The following CLPSL1 variants were observed in gnomAD, a reference collection of about 807,000 sequenced individuals.
The protein encoded by CLPSL1 is colipase-like protein 1.
A neutral mutation model predicts 9.3 loss-of-function variants in CLPSL1; 13 were observed. That is an observed-to-expected ratio of 1.40 (90% confidence interval 0.91 to 2.22). CLPSL1 has a LOEUF of 2.22. Among genes scored for constraint, CLPSL1 ranks in the 30% most tolerant of loss-of-function variants. CLPSL1 has a pLI of 0.00. For synonymous variants in CLPSL1, 58 were observed against 56.9 expected (o/e 1.02, Z -0.08); for missense variants, 164 against 146.6 (o/e 1.12, Z -0.61).
At chr6:35,789,930 G>T (rs116186083), downstream of CLPSL1, among the ~76,000 whole-genome samples, 1,144 of 152,218 alleles carry the variant, frequency 7.5e-3, 13 homozygotes, top group African/African-American at 0.025. Flanking sequence ...TTTATGGTTT[G>T]GTTTTGTTTT....
intron 1 of CLPSL1, among the ~76,000 whole-genome samples, chr6:35,785,225 T>C (rs1050298113): frequency 2.0e-4 from 29 of 143,816 alleles, no homozygotes; most frequent in African/African-American, 7.3e-4. Context: ...TCACCCAGGC[T>C]GGAGTGCAGT....
chr6:35,782,555 G>T (rs933871390), intron 1 of CLPSL1, among the ~76,000 whole-genome samples: 4 of 152,202 alleles, frequency 2.6e-5, no homozygotes, highest in Non-Finnish European at 5.9e-5. Context: ...CTGGTGTCCA[G>T]GAAGTCTTCA....
At chr6:35,783,274 G>A (rs1015390861) in intron 1 of CLPSL1, among the ~76,000 whole-genome samples, 1 of 152,208 alleles carries the variant, frequency 6.6e-6, no homozygotes, top group East Asian at 1.9e-4. Flanking sequence ...ACTTTGGAAG[G>A]CCGAGGCAAG....
chr6:35,789,850 T>C (rs552817253), downstream of CLPSL1, among the ~76,000 whole-genome samples: 1 of 152,184 alleles, frequency 6.6e-6, no homozygotes. Context: ...GCCGAGATCA[T>C]ACCACTGCAC....
downstream of CLPSL1, among the ~76,000 whole-genome samples, chr6:35,789,810 C>T (rs1280453894): frequency 6.6e-6 from 1 of 152,192 alleles, no homozygotes; most frequent in African/African-American, 2.4e-5. Flanking sequence ...GGGAGAATCA[C>T]TTGAACCTGG....
chr6:35,793,137 G>A (rs1037350691), downstream of CLPSL1, among the ~76,000 whole-genome samples: 1 of 152,238 alleles, frequency 6.6e-6, no homozygotes, highest in Admixed American at 6.5e-5. Context: ...TAAGAAGAGG[G>A]TATGGTCCAG....
chr6:35,789,597 T>G (rs1229312713), downstream of CLPSL1, among the ~76,000 whole-genome samples: 5 of 152,244 alleles, frequency 3.3e-5, no homozygotes, highest in Non-Finnish European at 7.3e-5. Flanking sequence ...TGGGACTACA[T>G]GCTGAAAAGC....
intron 2 of CLPSL1, 38 bp from the exon 3 acceptor site, chr6:35,787,829 T>G (rs1768112505): frequency 1.9e-6 from 3 of 1,591,974 alleles, no homozygotes; most frequent in East Asian, 4.5e-5. Flanking sequence ...AGGGAAGAGC[T>G]GCCGCCAAGG....
At chr6:35,786,913 G>T in intron 1 of CLPSL1, 85 bp from the exon 2 acceptor site, 1 of 1,485,508 alleles carries the variant, frequency 6.7e-7, no homozygotes, top group Non-Finnish European at 9.1e-7. Context: ...CTGGGGAGGA[G>T]CCCCGTAGGG....
chr6:35,787,723 A>T, intron 2 of CLPSL1, 144 bp from the exon 3 acceptor site: 2 of 786,822 alleles, frequency 2.5e-6, no homozygotes, highest in Non-Finnish European at 4.1e-6. Flanking sequence ...CAGAGGTGCC[A>T]CTCTGAGCAG....
intron 1 of CLPSL1, among the ~76,000 whole-genome samples, chr6:35,786,591 G>A (rs925507722): frequency 6.6e-5 from 10 of 152,182 alleles, no homozygotes; most frequent in African/African-American, 2.4e-4. Flanking sequence ...GTGCTGGGTG[G>A]AGGTCATTGA....
intron 1 of CLPSL1, among the ~76,000 whole-genome samples, chr6:35,783,795 G>A (rs9380534): frequency 0.57 from 80,535 of 142,040 alleles, 22,611 homozygotes; most frequent in Middle Eastern, 0.64. Context: ...GCGACGGCGA[G>A]ACTCTATCTC....
chr6:35,785,669 A>G (rs1194336856), intron 1 of CLPSL1, among the ~76,000 whole-genome samples: 1 of 152,158 alleles, frequency 6.6e-6, no homozygotes, highest in Non-Finnish European at 1.5e-5. Context: ...CTGCCAAATT[A>G]TCATTTTTAG....
downstream of CLPSL1, among the ~76,000 whole-genome samples, chr6:35,791,227 T>C (rs925264275): frequency 1.3e-5 from 2 of 152,264 alleles, no homozygotes; most frequent in African/African-American, 4.8e-5. Context: ...GAGAGATTTG[T>C]AGGGAATAAA....
In CLPSL1 at chr6:35,788,057, C is replaced by A; in HGVS notation, c.*47C>A. ...TCCTCCTCCTCCACCTGCTCTCCTC[C>A]CTACCCAGAGCTCTGTGTTCACCCT... On this transcript the variant is annotated 3_prime_UTR_variant, in exon 3 of 3. Coordinates refer to ENST00000373861, the MANE Select transcript of CLPSL1 (RefSeq NM_001010886.5). 6.9e-7 allele frequency: 1 copy of A among 1,440,448 alleles called. No individual in the cohort carries two copies. The highest frequency in any genetic ancestry group is 9.8e-7 in the Non-Finnish European group (1 of 1,024,390). The allele number at this position is 1,440,448 out of a possible 1,614,324, so 89.2% of individuals were successfully genotyped here.
chr6:35,787,169 G>A, intron 2 of CLPSL1, 49 bp downstream of exon 2: 2 of 1,597,394 alleles, frequency 1.3e-6, no homozygotes, highest in Middle Eastern at 1.7e-4. Flanking sequence ...GGGGAAGTGG[G>A]AGCCAGGGCG....
chr6:35,787,876 G>A lies in CLPSL1; in HGVS notation c.232G>A (p.Gly78Ser), dbSNP rs767705975. Residue 78 changes from glycine (G) to serine (S), a missense_variant, in exon 3 of 3, where the codon GGC (glycine) becomes AGC (serine). Coordinates refer to ENST00000373861, the MANE Select transcript of CLPSL1 (RefSeq NM_001010886.5). ...GTCCTGTCTTTCCCAGGTGTTCTTT[G>A]GCCAATATAGAGCGTGTCCCTGCCT... ...GSLCQTQVFF[G>S]QYRACPCLRN... 2 of 1,609,306 alleles carry A rather than the reference G, an allele frequency of 1.2e-6. No homozygotes were observed. The highest frequency in any genetic ancestry group is 1.7e-6 in the Non-Finnish European group (2 of 1,176,174).
intron 1 of CLPSL1, among the ~76,000 whole-genome samples, chr6:35,782,195 C>A (rs1189728193): frequency 6.6e-6 from 1 of 152,118 alleles, no homozygotes; most frequent in Non-Finnish European, 1.5e-5. Flanking sequence ...GTGGAGGGAA[C>A]AGCCAGGGCA....
At chr6:35,785,721 T>C (rs1327805820) in intron 1 of CLPSL1, among the ~76,000 whole-genome samples, 1 of 152,120 alleles carries the variant, frequency 6.6e-6, no homozygotes, top group Non-Finnish European at 1.5e-5. Flanking sequence ...CTGACATTCC[T>C]GGTGGGTGGG....
Sources: gnomAD v4.1 joint callset for allele counts (sites outside exome capture counted in the v4.1 genomes callset) on GRCh38, gnomAD v4.1.1 for gene constraint, MANE v1.5 for transcripts, NCBI Gene and HGNC (gene_info 2026-07-23, HGNC 2026-07-21) for gene names.